Variants in ACTR3C observed in about 807,000 individuals in gnomAD.
ACTR3C encodes the protein actin related protein 3C.
A neutral mutation model predicts 26.3 loss-of-function variants in ACTR3C; 18 were observed. The ratio of observed to expected loss-of-function variants is 0.68; its 90% CI spans 0.47 to 1.01. The LOEUF is 1.01. Among genes scored for constraint, ACTR3C ranks in the 50% least tolerant of loss-of-function variants. The probability of loss-of-function intolerance (pLI) is 0.00; values close to 1 mark genes in which losing one functional copy is unlikely to be tolerated. For missense variants in ACTR3C, 184 were observed against 250.7 expected (o/e 0.73, Z 1.80); for synonymous variants, 55 against 94.5 (o/e 0.58, Z 2.42).
downstream of ACTR3C, among the ~76,000 whole-genome samples, chr7:150,239,209 T>A (rs1832038220): frequency 6.6e-6 from 1 of 151,324 alleles, no homozygotes; most frequent in African/African-American, 2.4e-5. Context: ...AACACTCTTT[T>A]CTTTGAAAAC....
downstream of ACTR3C, chr7:150,246,589 G>A (rs573211639): frequency 3.9e-5 from 6 of 152,276 alleles, no homozygotes; most frequent in South Asian, 1.2e-3. Context: ...TTTAAAGGAT[G>A]TCATCTTTTA....
chr7:150,267,215 G>A (rs10259795), intron 6 of ACTR3C, among the ~76,000 whole-genome samples: 18,626 of 152,132 alleles, frequency 0.12, 1,928 homozygotes, highest in African/African-American at 0.26. Flanking sequence ...CAGAGAACAC[G>A]CGGAGCACTC....
intron 5 of ACTR3C, among the ~76,000 whole-genome samples, chr7:150,285,151 T>C (rs1386547379): frequency 1.3e-5 from 2 of 151,730 alleles, no homozygotes; most frequent in Non-Finnish European, 2.9e-5. Context: ...CAGTGGAGAG[T>C]ATGTGCACGA....
the ACTR3C span, among the ~76,000 whole-genome samples, chr7:149,939,799 AG>A: frequency 6.7e-6 from 1 of 148,610 alleles, no homozygotes; most frequent in African/African-American, 2.5e-5. Flanking sequence ...CAATACAGCA[AG>A]TAGAAATGTT....
chr7:150,280,816 G>GTA (rs1282002354), intron 6 of ACTR3C, among the ~76,000 whole-genome samples: 4 of 145,928 alleles, frequency 2.7e-5, no homozygotes, highest in East Asian at 4.0e-4. Context: ...GTGTGTGTGT[G>GTA]TGTATATATA....
At chr7:150,123,184 A>C in the ACTR3C span, among the ~76,000 whole-genome samples, 2 of 152,082 alleles carry the variant, frequency 1.3e-5, no homozygotes, top group African/African-American at 4.8e-5. Flanking sequence ...GTATACCTAC[A>C]TAACAAACTG....
At chr7:150,268,178 G>C (rs1834192262) in intron 6 of ACTR3C, among the ~76,000 whole-genome samples, 1 of 150,066 alleles carries the variant, frequency 6.7e-6, no homozygotes, top group Non-Finnish European at 1.5e-5. Flanking sequence ...TCAATGTTCT[G>C]TAACTGTGTG....
the ACTR3C span, among the ~76,000 whole-genome samples, chr7:150,214,600 T>C: frequency 6.6e-6 from 1 of 151,884 alleles, no homozygotes; most frequent in Non-Finnish European, 1.5e-5. Context: ...ACATACATAA[T>C]TGTCATCTCA....
chr7:150,055,483 G>A, the ACTR3C span, among the ~76,000 whole-genome samples: 18 of 148,426 alleles, frequency 1.2e-4, no homozygotes, highest in Admixed American at 1.1e-3. Context: ...ATTTAAATGA[G>A]GGAGGGAGTT....
intron 1 of ACTR3C, among the ~76,000 whole-genome samples, chr7:150,303,814 G>A (rs1320548122): frequency 6.6e-6 from 1 of 152,234 alleles, no homozygotes; most frequent in Non-Finnish European, 1.5e-5. Context: ...GTGCAGCAGT[G>A]AGAAGAAGAG....
chr7:150,212,903 C>A, the ACTR3C span, among the ~76,000 whole-genome samples: 2 of 151,052 alleles, frequency 1.3e-5, no homozygotes, highest in Non-Finnish European at 2.9e-5. Context: ...TTTGTTGGAT[C>A]TCAGTTTTTT....
At chr7:150,134,694 C>A in the ACTR3C span, among the ~76,000 whole-genome samples, 3 of 152,408 alleles carry the variant, frequency 2.0e-5, no homozygotes, top group East Asian at 5.8e-4. Flanking sequence ...TTGATTCCAC[C>A]CTCTCCTTCA....
the ACTR3C span, among the ~76,000 whole-genome samples, chr7:150,177,704 A>G: frequency 6.6e-6 from 1 of 150,860 alleles, no homozygotes; most frequent in African/African-American, 2.5e-5. Context: ...TACATTTTAT[A>G]TTCAAATGCT....
At chr7:150,197,140 G>A in the ACTR3C span, among the ~76,000 whole-genome samples, 1 of 152,152 alleles carries the variant, frequency 6.6e-6, no homozygotes, top group Non-Finnish European at 1.5e-5. Context: ...CTCTGCAGAG[G>A]CTGGTTCTCC....
the ACTR3C span, among the ~76,000 whole-genome samples, chr7:150,166,657 C>T: frequency 1.8e-3 from 276 of 150,146 alleles, 19 homozygotes; most frequent in African/African-American, 6.6e-3. Flanking sequence ...CAAGATGGTG[C>T]CGCTACACTC....
At chr7:150,065,552 G>C in the ACTR3C span, among the ~76,000 whole-genome samples, 2 of 152,162 alleles carry the variant, frequency 1.3e-5, no homozygotes, top group African/African-American at 2.4e-5. Context: ...AAAGTTAAAG[G>C]CTTTACCCTC....
the ACTR3C span, among the ~76,000 whole-genome samples, chr7:149,936,706 CT>C: frequency 6.6e-5 from 10 of 152,360 alleles, no homozygotes; most frequent in African/African-American, 2.4e-4. Context: ...CCTGGAGGTC[CT>C]GGGTTCAAGT....
chr7:150,193,428 G>A, the ACTR3C span, among the ~76,000 whole-genome samples: 1 of 79,388 alleles, frequency 1.3e-5, no homozygotes, highest in Non-Finnish European at 2.7e-5. Context: ...TTTTGTCTTT[G>A]TTGCCATCTT....
At chr7:150,039,539 T>A in the ACTR3C span, among the ~76,000 whole-genome samples, 1 of 87,482 alleles carries the variant, frequency 1.1e-5, no homozygotes, top group Non-Finnish European at 2.6e-5. Flanking sequence ...GCGATGGGGG[T>A]CCCCAGAGCC....
Sources: gnomAD v4.1 joint callset for allele counts (sites outside exome capture counted in the v4.1 genomes callset) on GRCh38, gnomAD v4.1.1 for gene constraint, MANE v1.5 for transcripts, NCBI Gene and HGNC (gene_info 2026-07-23, HGNC 2026-07-21) for gene names.